Variants in SLC25A26 observed in about 807,000 individuals in gnomAD.
The protein encoded by SLC25A26 is mitochondrial S-adenosylmethionine carrier protein.
SLC25A26 carries 36 observed loss-of-function variants against 37.8 expected under a neutral mutation model. That is an observed-to-expected ratio of 0.95 (90% CI 0.73 to 1.26). The LOEUF (loss-of-function observed/expected upper bound fraction) is 1.26, where lower values mean the gene tolerates loss of function less well. Among genes scored for constraint, SLC25A26 ranks in the 50% most tolerant of loss-of-function variants. The probability of loss-of-function intolerance (pLI) is 0.00; values close to 1 mark genes in which losing one functional copy is unlikely to be tolerated. For missense variants in SLC25A26, 390 were observed against 331.1 expected (o/e 1.18, Z -1.38); for synonymous variants, 129 against 122.5 (o/e 1.05, Z -0.35).
chr3:66,167,371 C>G (rs1204386556), intron 1 of SLC25A26, among the ~76,000 whole-genome samples: 1 of 151,866 alleles, frequency 6.6e-6, no homozygotes, highest in Non-Finnish European at 1.5e-5. Flanking sequence ...TTAAATTTAA[C>G]AGAAAAAATG....
chr3:66,271,879 T>A (rs1440007162), intron 5 of SLC25A26, among the ~76,000 whole-genome samples: 2 of 152,102 alleles, frequency 1.3e-5, no homozygotes, highest in Non-Finnish European at 2.9e-5. Flanking sequence ...TTCGTTTTCT[T>A]TTTCTGCCAC....
At chr3:66,296,561 G>T (rs1051774275) in intron 5 of SLC25A26, among the ~76,000 whole-genome samples, 2 of 152,156 alleles carry the variant, frequency 1.3e-5, no homozygotes, top group East Asian at 3.8e-4. Context: ...AGCATAGGGA[G>T]TATGTGTTCA....
chr3:66,235,109 T>C (rs1291909552), intron 1 of SLC25A26, among the ~76,000 whole-genome samples: 1 of 152,204 alleles, frequency 6.6e-6, no homozygotes, highest in Non-Finnish European at 1.5e-5. Context: ...TATTGACATT[T>C]TTGAGACCCA....
At chr3:66,342,241 G>A (rs1231164482) in intron 5 of SLC25A26, among the ~76,000 whole-genome samples, 1 of 151,910 alleles carries the variant, frequency 6.6e-6, no homozygotes, top group Non-Finnish European at 1.5e-5. Flanking sequence ...TCTTGCACAC[G>A]GTTTCTGTGT....
At chr3:66,136,278 A>T (rs1311744785) in intron 1 of SLC25A26, among the ~76,000 whole-genome samples, 2 of 152,252 alleles carry the variant, frequency 1.3e-5, no homozygotes, top group African/African-American at 4.8e-5. Context: ...TGAGTTAAAT[A>T]AAATGTATTC....
chr3:66,362,917 G>T lies in SLC25A26; in HGVS notation c.556G>T (p.Gly186Ter). The change falls in exon 7 of 10, where the codon GGA (glycine) becomes TGA (stop). Residue 186 changes from glycine to a stop codon, truncating the protein, a stop_gained. Transcript: ENST00000354883. LOFTEE classifies it high-confidence loss of function. ...VVDSWQSAVC[G>*]AFAGGFAAAV... ...GGATTCTTGGCAGTCAGCAGTCTGT[G>T]GAGCTTTTGCAGGTGCAAAGGATTA... 6.2e-7 allele frequency: 1 copy of T among 1,606,566 alleles called. No homozygotes were observed. The highest frequency in any genetic ancestry group is 1.3e-5 in the African/African-American group (1 of 74,886).
chr3:66,239,038 TC>T (rs1401017993), intron 2 of SLC25A26, among the ~76,000 whole-genome samples: 2 of 152,212 alleles, frequency 1.3e-5, no homozygotes, highest in Non-Finnish European at 2.9e-5. Context: ...AGGGTCCTTG[TC>T]ATAAAGGAAG....
chr3:66,361,070 A>G (rs1482085964), intron 6 of SLC25A26, among the ~76,000 whole-genome samples: 1 of 152,236 alleles, frequency 6.6e-6, no homozygotes, highest in African/African-American at 2.4e-5. Context: ...AACATAATAG[A>G]GAGTTCAGAA....
intron 1 of SLC25A26, among the ~76,000 whole-genome samples, chr3:66,135,217 T>C (rs1012229602): frequency 6.6e-6 from 1 of 152,218 alleles, no homozygotes; most frequent in South Asian, 2.1e-4. Flanking sequence ...TTTTGTATTA[T>C]CAACTTTTAA....
At chr3:66,244,072 A>G (rs1382400323) in intron 3 of SLC25A26, among the ~76,000 whole-genome samples, 1 of 152,184 alleles carries the variant, frequency 6.6e-6, no homozygotes, top group Non-Finnish European at 1.5e-5. Flanking sequence ...GAGAAGCAAC[A>G]GCCCTATACA....
chr3:66,284,259 G>A (rs1308543643), intron 5 of SLC25A26, among the ~76,000 whole-genome samples: 1 of 152,178 alleles, frequency 6.6e-6, no homozygotes, highest in Non-Finnish European at 1.5e-5. Flanking sequence ...TGAGGTGGGA[G>A]AATCACTTGA....
chr3:66,371,921 ACT>A (rs1480294793), intron 9 of SLC25A26, among the ~76,000 whole-genome samples: 1 of 152,020 alleles, frequency 6.6e-6, no homozygotes, highest in Non-Finnish European at 1.5e-5. Context: ...ATATGGCAAG[ACT>A]CTGTCTCTAA....
intron 1 of SLC25A26, among the ~76,000 whole-genome samples, chr3:66,233,388 C>A (rs1199316478): frequency 6.6e-6 from 1 of 152,104 alleles, no homozygotes; most frequent in African/African-American, 2.4e-5. Context: ...GGGTTATGTC[C>A]TATTTCTTTG....
intron 6 of SLC25A26, among the ~76,000 whole-genome samples, chr3:66,346,796 A>G (rs1048335015): frequency 1.4e-5 from 2 of 148,100 alleles, no homozygotes; most frequent in African/African-American, 5.0e-5. Context: ...GGGTAAATGG[A>G]AGAGGAAAAA....
intron 1 of SLC25A26, among the ~76,000 whole-genome samples, chr3:66,203,980 A>G (rs1370784849): frequency 1.3e-5 from 2 of 152,210 alleles, no homozygotes; most frequent in African/African-American, 4.8e-5. Context: ...GTATTGTATA[A>G]TGGAAAGAGG....
At chr3:66,193,079 T>C (rs1326769973) in intron 1 of SLC25A26, among the ~76,000 whole-genome samples, 1 of 152,196 alleles carries the variant, frequency 6.6e-6, no homozygotes, top group Non-Finnish European at 1.5e-5. Context: ...TTTCTGTTTG[T>C]ATATTTTTAA....
At chr3:66,227,431 A>T (rs972036612) in intron 1 of SLC25A26, among the ~76,000 whole-genome samples, 5 of 152,164 alleles carry the variant, frequency 3.3e-5, no homozygotes, top group African/African-American at 1.2e-4. Context: ...AGATGAGGTA[A>T]CAACTATTTG....
chr3:66,349,943 A>G (rs374397037), intron 6 of SLC25A26, among the ~76,000 whole-genome samples: 1 of 152,138 alleles, frequency 6.6e-6, no homozygotes, highest in Non-Finnish European at 1.5e-5. Context: ...TTTAATTTCT[A>G]GTTCCCTCAT....
At chr3:66,262,403 C>T (rs2073566299) in intron 4 of SLC25A26, among the ~76,000 whole-genome samples, 1 of 152,080 alleles carries the variant, frequency 6.6e-6, no homozygotes, top group African/African-American at 2.4e-5. Flanking sequence ...TGCAGTTCTT[C>T]TGGAATCAGA....
Sources: gnomAD v4.1 joint callset for allele counts (sites outside exome capture counted in the v4.1 genomes callset) on GRCh38, gnomAD v4.1.1 for gene constraint, MANE v1.5 for transcripts, NCBI Gene and HGNC (gene_info 2026-07-23, HGNC 2026-07-21) for gene names.